ZNF839: variants seen among roughly 807,000 people sequenced by gnomAD.
ZNF839 encodes renal carcinoma antigen NY-REN-50.
Under a neutral mutation model 56.4 loss-of-function variants are expected in ZNF839, and 38 were observed. The ratio of observed to expected loss-of-function variants is 0.67; its 90% CI spans 0.52 to 0.88. ZNF839 has a LOEUF of 0.88. Among genes scored for constraint, ZNF839 ranks in the 40% least tolerant of loss-of-function variants. ZNF839 has a pLI of 0.00. For synonymous variants in ZNF839, 486 were observed against 493.5 expected (o/e 0.98, Z 0.20); for missense variants, 1,091 against 1,177.6 (o/e 0.93, Z 1.08).
intron 1 of ZNF839, among the ~76,000 whole-genome samples, chr14:102,321,083 A>G (rs563991035): frequency 6.6e-6 from 1 of 152,336 alleles, no homozygotes; most frequent in South Asian, 2.1e-4. Context: ...TGTCTTGCTA[A>G]GGTTTAGGAA....
At chr14:102,331,392 G>T in intron 2 of ZNF839, 1 of 441,728 alleles carries the variant, frequency 2.3e-6, no homozygotes, top group Non-Finnish European at 4.1e-6. Context: ...AGGACTACAG[G>T]CGCGCGCCAC....
At chr14:102,328,378 ATATATAT>A (rs2073566708) in intron 2 of ZNF839, among the ~76,000 whole-genome samples, 8 of 45,212 alleles carry the variant, frequency 1.8e-4, no homozygotes, top group African/African-American at 7.8e-4. Context: ...AAAAAAAAAT[ATATATAT>A]ATATATATAT....
chr14:102,319,847 G>A lies in ZNF839; in HGVS notation c.82G>A (p.Gly28Ser). Residue 28 changes from glycine (G) to serine (S), a missense_variant, in exon 1 of 8, where the codon GGC becomes AGC. Gly to Ser is a moderately conservative substitution (Grantham distance 56). Around this residue, in one of 3 missense-constraint regions of ZNF839, gnomAD observed 614 missense variants for 629.2 expected, o/e 0.98. Coordinates refer to ENST00000442396, the MANE Select transcript of ZNF839 (RefSeq NM_018335.6). This position sits in a 1 kb window ranked among gnomAD's most constrained non-coding sequence, Gnocchi z 4.5. ...GGGPAPPGQS[G>S]SVARVAPLGP... is the part of the protein sequence containing the mutation. ...CGGCCCGGCTCCTCCGGGCCAGAGC[G>A]GCAGCGTCGCACGTGTGGCCCCGCT... 2 of 1,260,284 alleles carry A rather than the reference G, an allele frequency of 1.6e-6. No homozygotes were observed. The highest frequency in any genetic ancestry group is 1.6e-5 in the African/African-American group (1 of 64,428). The allele number at this position is 1,260,284 out of a possible 1,614,324, so 78.1% of individuals were successfully genotyped here. A position where few individuals can be genotyped will look rare whatever the true frequency, so the allele number is the denominator to read the frequency against.
At position 102,326,994 on chromosome 14, in the gene ZNF839, G is replaced by A. The variant is rs2073450337; in HGVS notation, c.1191+107G>A. 3 of 1,257,138 alleles carry A rather than the reference G, an allele frequency of 2.4e-6. No individual in the cohort carries two copies. The highest frequency in any genetic ancestry group is 3.2e-6 in the Non-Finnish European group (3 of 934,710). The allele number at this position is 1,257,138 out of a possible 1,614,324, so 77.9% of individuals were successfully genotyped here. A position where few individuals can be genotyped will look rare whatever the true frequency, so the allele number is the denominator to read the frequency against. ...TATAAAGAAAAGAGGGTTGGCTCAC[G>A]GTTCCATAGACTGTACAGGAAGCAT... On this transcript the variant is annotated intron_variant, in intron 2 of 7. Coordinates refer to ENST00000442396, the MANE Select transcript of ZNF839 (RefSeq NM_018335.6). The surrounding 1 kb of genome is among the most constrained non-coding windows in gnomAD (Gnocchi z 4.3).
At chr14:102,331,921 A>G (rs1332856045) in intron 3 of ZNF839, 75 bp downstream of exon 3, 4 of 1,261,354 alleles carry the variant, frequency 3.2e-6, no homozygotes, top group Non-Finnish European at 3.3e-6. Context: ...CAGTTTCTGA[A>G]TCACCTAAGC....
chr14:102,338,226 T>C (rs921959292), intron 5 of ZNF839, among the ~76,000 whole-genome samples: 4 of 151,952 alleles, frequency 2.6e-5, no homozygotes, highest in Non-Finnish European at 5.9e-5. Context: ...TTAAAGAGAG[T>C]GTTTTAAATG....
Position 102,319,883 on chromosome 14 carries a change from C to T in ZNF839, c.118C>T (p.Gln40Ter). The change falls in exon 1 of 8, where the codon CAG becomes TAG. Residue 40 changes from glutamine to a stop codon, truncating the protein, a stop_gained. Coordinates refer to ENST00000442396, the MANE Select transcript of ZNF839 (RefSeq NM_018335.6). LOFTEE classifies it high-confidence loss of function. This position sits in a 1 kb window ranked among gnomAD's most constrained non-coding sequence, Gnocchi z 4.5. Reference sequence around the variant, plus strand: ...ACGTGTGGCCCCGCTGGGCCCCGAGCAGCTGCGGCAGGTCCTGGAGCAGGT... The same window carrying T: ...ACGTGTGGCCCCGCTGGGCCCCGAGTAGCTGCGGCAGGTCCTGGAGCAGGT... Reference protein sequence around the residue: ...VARVAPLGPEQLRQVLEQVTK... With the variant: ...VARVAPLGPE 7.7e-7 allele frequency: 1 copy of T among 1,291,116 alleles called. No homozygotes were observed. Among genetic ancestry groups the T allele is most frequent in the South Asian group, 2.3e-5 (1 of 43,618 alleles). The allele number at this position is 1,291,116 out of a possible 1,614,324, so 80.0% of individuals were successfully genotyped here.
chr14:102,328,406 ATATATG>A (rs1567288829), intron 2 of ZNF839, among the ~76,000 whole-genome samples: 1 of 112,878 alleles, frequency 8.9e-6, no homozygotes, highest in Non-Finnish European at 1.8e-5. Flanking sequence ...ATATATATAT[ATATATG>A]TATACACACA....
At chr14:102,330,162 A>G (rs1308987318) in intron 2 of ZNF839, among the ~76,000 whole-genome samples, 1 of 151,816 alleles carries the variant, frequency 6.6e-6, no homozygotes, top group Non-Finnish European at 1.5e-5. Context: ...TGTCCATTTC[A>G]TTTAGGTTAT....
At chr14:102,330,061 C>T (rs1375086640) in intron 2 of ZNF839, among the ~76,000 whole-genome samples, 2 of 151,864 alleles carry the variant, frequency 1.3e-5, no homozygotes, top group Non-Finnish European at 2.9e-5. Context: ...TCCCAAAGTG[C>T]TAGGATTACA....
In ZNF839 at chr14:102,339,218, C is replaced by A. The variant is rs1886211037; in HGVS notation, c.1922C>A (p.Ala641Asp). 3.7e-6 allele frequency: 6 copies of A among 1,609,670 alleles called. No individual in the cohort carries two copies. The highest frequency in any genetic ancestry group is 1.7e-4 in the Middle Eastern group (1 of 5,988). ...REKPRPLHALAAGFSPPVNVT... is the reference protein window; with the variant it reads ...REKPRPLHALDAGFSPPVNVT... ...AAGCCCAGGCCCTTGCATGCTTTGG[C>A]CGCTGGTGAGGGTAAAATGCTGTTT... The change falls in exon 7 of 8, where the codon GCC becomes GAC. Residue 641 changes from alanine to aspartate, a missense_variant. Physicochemically the swap from Ala to Asp is moderately radical, Grantham distance 126. Around this residue, in one of 3 missense-constraint regions of ZNF839, gnomAD observed 431 missense variants for 468.0 expected, o/e 0.92. Transcript: ENST00000442396.
intron 7 of ZNF839, 26 bp from the exon 8 acceptor site, chr14:102,341,297 G>T: frequency 6.6e-7 from 1 of 1,514,900 alleles, no homozygotes; most frequent in Non-Finnish European, 8.8e-7. Context: ...TACACGCCAT[G>T]TTCACCTGTT....
At chr14:102,319,736 ACCC>A (rs2073013542), upstream of ZNF839, 1 of 1,226,672 alleles carries the variant, frequency 8.2e-7, no homozygotes, top group Non-Finnish European at 1.0e-6. This position sits in a 1 kb window ranked among gnomAD's most constrained non-coding sequence, Gnocchi z 4.5. Context: ...TCGCTCAGCG[ACCC>A]GGGTTCGAGT....
intron 1 of ZNF839, among the ~76,000 whole-genome samples, chr14:102,325,718 C>T (rs1252016152): frequency 6.6e-6 from 1 of 152,082 alleles, no homozygotes; most frequent in Non-Finnish European, 1.5e-5. Context: ...TGGTCTCGAA[C>T]TCCTGACCTC....
rs201197821 is a variant in ZNF839 at position 102,342,054 on chromosome 14, A to G, written c.2659A>G (p.Lys887Glu). Residue 887 changes from lysine to glutamate, a missense_variant, in exon 8 of 8, where the codon AAG (lysine) becomes GAG (glutamate). Transcript: ENST00000442396. The stretch of plus-strand genomic sequence containing the variant: ...CCATGAGTTACTGTCTCAGGGACAG[A>G]AGCAGATTTTTATTCAGACTTCCGA... Reference protein sequence around the residue: ...GSHELLSQGQKQIFIQTSDGL... With the variant: ...GSHELLSQGQEQIFIQTSDGL... 6 of 1,613,910 alleles carry G rather than the reference A, an allele frequency of 3.7e-6. No homozygotes were observed. Among genetic ancestry groups the G allele is most frequent in the Admixed American group, 3.3e-5 (2 of 60,000 alleles).
At position 102,327,018 on chromosome 14, in the gene ZNF839, A is replaced by G; in HGVS notation, c.1191+131A>G. The G allele has an allele frequency of 5.5e-6, 6 of 1,094,548 alleles. 1 individual carries two copies. The South Asian group carries it at 1.0e-4, about 19-fold the overall frequency. The allele number at this position is 1,094,548 out of a possible 1,614,324, so 67.8% of individuals were successfully genotyped here. A position where few individuals can be genotyped will look rare whatever the true frequency, so the allele number is the denominator to read the frequency against. ...CGGTTCCATAGACTGTACAGGAAGC[A>G]TGGTGCTGGCATCTGTTTAGCTTCT... is the stretch of plus-strand genomic sequence containing the variant. On this transcript the variant is annotated intron_variant, in intron 2 of 7. Coordinates refer to ENST00000442396, the MANE Select transcript of ZNF839 (RefSeq NM_018335.6).
At chr14:102,337,619 C>A (rs537605858) in intron 5 of ZNF839, 1 of 152,170 alleles carries the variant, frequency 6.6e-6, no homozygotes, top group Non-Finnish European at 1.5e-5. Context: ...ACTCGGCACA[C>A]ACACACTGTG....
intron 3 of ZNF839, among the ~76,000 whole-genome samples, chr14:102,333,437 A>AT (rs2073879637): frequency 1.3e-5 from 2 of 151,068 alleles, no homozygotes; most frequent in African/African-American, 4.9e-5. Flanking sequence ...CTGATTTTTA[A>AT]TTTTTTTTAG....
Position 102,326,688 on chromosome 14 carries a change from AT to A in ZNF839, c.996del (p.Phe332LeufsTer36). 12 of 1,612,614 alleles carry A rather than the reference AT, an allele frequency of 7.4e-6. No homozygotes were observed. Among genetic ancestry groups the A allele is most frequent in the Non-Finnish European group, 1.0e-5 (12 of 1,179,344 alleles). On this transcript the variant is annotated frameshift_variant, in exon 2 of 8. Transcript: ENST00000442396. LOFTEE classifies it high-confidence loss of function. The surrounding 1 kb of genome is among the most constrained non-coding windows in gnomAD (Gnocchi z 4.3). ...SYIGKGGLAR[H>X]FKLNPGHGQL... ...ATAGGGAAGGGGGGACTGGCCCGAC[AT>A]TTTAAACTTAACCCAGGCCACGGCC...
Sources: gnomAD v4.1 joint callset for allele counts (sites outside exome capture counted in the v4.1 genomes callset) on GRCh38, gnomAD v4.1.1 for gene constraint, gnomAD v4.1.1 regional missense constraint, Gnocchi (gnomAD v3.1) non-coding constraint, MANE v1.5 for transcripts, NCBI Gene and HGNC (gene_info 2026-07-23, HGNC 2026-07-21) for gene names.